GRIP1: variants seen among roughly 807,000 people sequenced by gnomAD.
GRIP1 encodes glutamate receptor interacting protein 1.
Under a neutral mutation model 129.9 loss-of-function variants are expected in GRIP1, and 45 were observed. That is an observed-to-expected ratio of 0.35 (90% CI 0.27 to 0.44). GRIP1 has a LOEUF of 0.44. Among genes scored for constraint, GRIP1 ranks in the 20% least tolerant of loss-of-function variants. The pLI is 1.00. For missense variants in GRIP1, 1,196 were observed against 1,396.8 expected (o/e 0.86, Z 2.29); for synonymous variants, 530 against 520.8 (o/e 1.02, Z -0.24).
intron 1 of GRIP1, among the ~76,000 whole-genome samples, chr12:67,011,025 C>T (rs1257930929): frequency 6.6e-6 from 1 of 152,148 alleles, no homozygotes; most frequent in African/African-American, 2.4e-5. Context: ...ACTGTAAATA[C>T]TGATGACTTT....
chr12:66,718,211 G>T (rs2035952135), intron 1 of GRIP1, among the ~76,000 whole-genome samples: 1 of 152,040 alleles, frequency 6.6e-6, no homozygotes, highest in African/African-American at 2.4e-5. Flanking sequence ...CTAATGTCCT[G>T]CTGACTCTAA....
At chr12:66,631,086 T>G (rs1164927149) in intron 1 of GRIP1, among the ~76,000 whole-genome samples, 1 of 152,080 alleles carries the variant, frequency 6.6e-6, no homozygotes, top group African/African-American at 2.4e-5. Context: ...TACAGGTGCC[T>G]GCCACCATGC....
At chr12:66,443,686 T>C (rs10784537) in intron 13 of GRIP1, among the ~76,000 whole-genome samples, 79,779 of 151,768 alleles carry the variant, frequency 0.53, 24,494 homozygotes, top group African/African-American at 0.85. Context: ...GAACTCCTGA[T>C]CTCAGGTGAT....
chr12:66,763,669 G>A (rs570276045), intron 1 of GRIP1, among the ~76,000 whole-genome samples: 1 of 152,074 alleles, frequency 6.6e-6, no homozygotes, highest in Non-Finnish European at 1.5e-5. Context: ...ACAGCTGCAG[G>A]AAATAAAACA....
intron 23 of GRIP1, among the ~76,000 whole-genome samples, chr12:66,355,977 C>T (rs1351031764): frequency 1.3e-5 from 2 of 152,178 alleles, no homozygotes; most frequent in East Asian, 3.9e-4. Context: ...TCACCCAAGG[C>T]CATGCTGGGA....
chr12:66,393,168 G>GA (rs2056656160), intron 17 of GRIP1, among the ~76,000 whole-genome samples: 1 of 97,616 alleles, frequency 1.0e-5, no homozygotes, highest in Admixed American at 1.4e-4. Flanking sequence ...TCTTTCTACA[G>GA]ATTTTTTTTT....
At chr12:66,631,764 T>C (rs937214702) in intron 1 of GRIP1, among the ~76,000 whole-genome samples, 1 of 152,236 alleles carries the variant, frequency 6.6e-6, no homozygotes, top group African/African-American at 2.4e-5. Context: ...AGTCAGTTGA[T>C]ATAGAAATTT....
intron 6 of GRIP1, among the ~76,000 whole-genome samples, chr12:66,517,043 C>A (rs1401381207): frequency 6.6e-6 from 1 of 152,086 alleles, no homozygotes; most frequent in African/African-American, 2.4e-5. Flanking sequence ...GTAGTAAATG[C>A]TTAATAAATA....
At chr12:66,525,825 CA>C (rs2061213488) in intron 5 of GRIP1, among the ~76,000 whole-genome samples, 1 of 151,970 alleles carries the variant, frequency 6.6e-6, no homozygotes. Flanking sequence ...TAAGCAACTT[CA>C]GCAAAGTCTC....
chr12:66,820,574 T>C (rs2039299396), intron 1 of GRIP1, among the ~76,000 whole-genome samples: 1 of 152,168 alleles, frequency 6.6e-6, no homozygotes, highest in African/African-American at 2.4e-5. Context: ...GTCAGCTTTG[T>C]TCATAATTGC....
At chr12:66,960,861 C>T (rs906473852) in intron 1 of GRIP1, among the ~76,000 whole-genome samples, 4 of 152,104 alleles carry the variant, frequency 2.6e-5, no homozygotes, top group African/African-American at 4.8e-5. Context: ...GAAACGCGAG[C>T]TTTTAGGAAC....
At chr12:66,749,136 TTTA>T (rs2037045686) in intron 1 of GRIP1, among the ~76,000 whole-genome samples, 1 of 152,202 alleles carries the variant, frequency 6.6e-6, no homozygotes, top group Admixed American at 6.5e-5. Context: ...GCTAGGTGTT[TTTA>T]TTATTATGTT....
intron 1 of GRIP1, among the ~76,000 whole-genome samples, chr12:67,031,599 C>T (rs925564127): frequency 2.6e-5 from 4 of 152,146 alleles, no homozygotes; most frequent in Non-Finnish European, 5.9e-5. Context: ...GCACACTCCA[C>T]AAGGCAATCC....
chr12:66,965,596 T>TGTGTGTGTGTGA (rs1308974868), intron 1 of GRIP1, among the ~76,000 whole-genome samples: 59 of 146,856 alleles, frequency 4.0e-4, no homozygotes, highest in East Asian at 1.4e-3. Flanking sequence ...TGTGTGTGTG[T>TGTGTGTGTGTGA]GAGATATTAT....
intron 1 of GRIP1, among the ~76,000 whole-genome samples, chr12:66,609,462 T>C (rs1304328763): frequency 6.6e-6 from 1 of 152,186 alleles, no homozygotes; most frequent in South Asian, 2.1e-4. Context: ...TGGTCTATTA[T>C]GACTCAATTT....
intron 1 of GRIP1, among the ~76,000 whole-genome samples, chr12:66,708,029 C>T (rs1001177350): frequency 2.0e-5 from 3 of 151,872 alleles, no homozygotes; most frequent in Non-Finnish European, 4.4e-5. Flanking sequence ...ATATGCATTT[C>T]CATAATAGTG....
At chr12:66,576,782 A>G (rs1333631506) in intron 2 of GRIP1, among the ~76,000 whole-genome samples, 1 of 152,248 alleles carries the variant, frequency 6.6e-6, no homozygotes, top group Admixed American at 6.5e-5. Flanking sequence ...TGTGCAGACA[A>G]TTGAATGGAG....
At chr12:66,851,281 A>G (rs1400749016) in intron 1 of GRIP1, among the ~76,000 whole-genome samples, 1 of 151,934 alleles carries the variant, frequency 6.6e-6, no homozygotes, top group Non-Finnish European at 1.5e-5. Flanking sequence ...GGACATCTGG[A>G]AAGTGGAGAC....
intron 1 of GRIP1, among the ~76,000 whole-genome samples, chr12:66,901,365 G>T (rs2040841218): frequency 6.6e-6 from 1 of 152,224 alleles, no homozygotes; most frequent in Non-Finnish European, 1.5e-5. Flanking sequence ...TGTCACTCTT[G>T]CTGCCACAGG....
Sources: gnomAD v4.1 joint callset for allele counts (sites outside exome capture counted in the v4.1 genomes callset) on GRCh38, gnomAD v4.1.1 for gene constraint, MANE v1.5 for transcripts, NCBI Gene and HGNC (gene_info 2026-07-23, HGNC 2026-07-21) for gene names.